PCDHA13: variants seen among roughly 807,000 people sequenced by gnomAD.
PCDHA13 encodes the protein protocadherin alpha-13.
PCDHA13 carries 54 observed loss-of-function variants against 64.8 expected under a neutral mutation model. The ratio of observed to expected loss-of-function variants is 0.83; its 90% CI spans 0.67 to 1.04. The LOEUF (loss-of-function observed/expected upper bound fraction) is 1.04. Among genes scored for constraint, PCDHA13 ranks in the 50% least tolerant of loss-of-function variants. The pLI is 0.00. For synonymous variants in PCDHA13, 587 were observed against 564.4 expected, an observed-to-expected ratio of 1.04 and a Z score of -0.57; for missense variants, 1,248 against 1,254.3, an observed-to-expected ratio of 0.99 and a Z score of 0.08.
Position 140,972,800 on chromosome 5 carries a change from A to G in PCDHA13, c.2395-6149A>G, listed in dbSNP as rs937312575. ...TGCCTCAGCCTCCTGAGTAGCTGAGATTACAGGCACGCGCCACCACGCCTG... is the reference window on the plus strand; with the variant it reads ...TGCCTCAGCCTCCTGAGTAGCTGAGGTTACAGGCACGCGCCACCACGCCTG... On this transcript the variant is annotated intron_variant, in intron 1 of 3. Transcript: ENST00000289272. Among the ~76,000 whole-genome samples, 8 of 151,520 alleles carry G rather than the reference A, an allele frequency of 5.3e-5. No individual in the cohort carries two copies. In the South Asian group the frequency reaches 6.3e-4, roughly 12 times the overall value.
chr5:140,955,452 G>C (rs921510611), intron 1 of PCDHA13, among the ~76,000 whole-genome samples: 3 of 152,024 alleles, frequency 2.0e-5, no homozygotes, highest in Non-Finnish European at 4.4e-5. Context: ...TTTTATAAGG[G>C]CTTTTTCCTT....
intron 3 of PCDHA13, among the ~76,000 whole-genome samples, chr5:141,000,771 G>A (rs1318485268): frequency 2.0e-5 from 3 of 151,790 alleles, no homozygotes; most frequent in Non-Finnish European, 4.4e-5. Context: ...GCCAGGCATA[G>A]TGGCGCACAC....
chr5:140,941,239 C>CTTTCTTTCTTTCTTTA (rs2092937531), intron 1 of PCDHA13, among the ~76,000 whole-genome samples: 1 of 134,502 alleles, frequency 7.4e-6, no homozygotes, highest in African/African-American at 2.9e-5. Context: ...TTCTTTCTTT[C>CTTTCTTTCTTTCTTTA]TTTCTTTCTT....
intron 1 of PCDHA13, among the ~76,000 whole-genome samples, chr5:140,953,024 G>A (rs2094834462): frequency 6.6e-6 from 1 of 152,026 alleles, no homozygotes; most frequent in South Asian, 2.1e-4. Context: ...AACATTAAGG[G>A]GGAAATCCAC....
At position 140,978,933 on chromosome 5, in the gene PCDHA13, C is replaced by CT. The variant is rs1179085898; in HGVS notation, c.2395-13dup. The stretch of plus-strand genomic sequence containing the variant: ...TCTTGTCATTTTAACAGAAAACTCT[C>CT]TTTGTGATTTTGCAGCCACGACAGC... On this transcript the variant is annotated splice_polypyrimidine_tract_variant and intron_variant, in intron 1 of 3. Coordinates refer to ENST00000289272, the MANE Select transcript of PCDHA13 (RefSeq NM_018904.3). 8 of 1,613,976 alleles carry CT rather than the reference C, an allele frequency of 5.0e-6. No homozygotes were observed. The highest frequency in any genetic ancestry group is 1.7e-5 in the Admixed American group (1 of 59,984).
At chr5:140,958,711 T>C (rs1402769483) in intron 1 of PCDHA13, among the ~76,000 whole-genome samples, 1 of 152,216 alleles carries the variant, frequency 6.6e-6, no homozygotes, top group Non-Finnish European at 1.5e-5. Flanking sequence ...AACTCTGTTA[T>C]AATAAATGTA....
intron 1 of PCDHA13, among the ~76,000 whole-genome samples, chr5:140,923,219 C>T (rs557006469): frequency 1.3e-5 from 2 of 152,094 alleles, no homozygotes; most frequent in East Asian, 1.9e-4. Context: ...GTGAAAGGAT[C>T]GTTTGAGCCC....
intron 2 of PCDHA13, 86 bp from the exon 3 acceptor site, chr5:140,982,389 T>C: frequency 1.3e-6 from 2 of 1,593,476 alleles, no homozygotes; most frequent in South Asian, 1.1e-5. Context: ...CCTGGCTTCA[T>C]AGTTGTAAGC....
At chr5:140,967,934 A>G (rs781977227) in intron 1 of PCDHA13, 4 of 1,614,172 alleles carry the variant, frequency 2.5e-6, no homozygotes, top group Non-Finnish European at 2.5e-6. Flanking sequence ...TCTCAGTGTC[A>G]ATGACCAAGA....
chr5:140,897,720 G>A (rs1457512042), intron 1 of PCDHA13, among the ~76,000 whole-genome samples: 1 of 152,086 alleles, frequency 6.6e-6, no homozygotes, highest in Non-Finnish European at 1.5e-5. Context: ...GGGATGGCTG[G>A]GTCAAATAGT....
chr5:140,975,156 G>A (rs1404839334), intron 1 of PCDHA13, among the ~76,000 whole-genome samples: 15 of 152,174 alleles, frequency 9.9e-5, no homozygotes, highest in Non-Finnish European at 2.1e-4. Context: ...AGTTCCTAGA[G>A]AACTGAGGAC....
At chr5:140,902,917 T>G (rs1235478755) in intron 1 of PCDHA13, among the ~76,000 whole-genome samples, 1 of 152,230 alleles carries the variant, frequency 6.6e-6, no homozygotes, top group Non-Finnish European at 1.5e-5. Context: ...CTGAGTAGTA[T>G]TGCATGGTGT....
In PCDHA13 at chr5:140,969,100, C is replaced by T. The variant is rs781998624; in HGVS notation, c.2395-9849C>T. ...ATGGCCTCAAAGTGCAGCCTCACTT[C>T]ATTGAAGTTCGAGGGAATGGCTCCC... On this transcript the variant is annotated intron_variant, in intron 1 of 3. Coordinates refer to ENST00000289272, the MANE Select transcript of PCDHA13 (RefSeq NM_018904.3). The T allele has an allele frequency of 8.7e-6, 14 of 1,614,054 alleles. No individual in the cohort carries two copies. The South Asian group carries it at 8.8e-5, about 10-fold the overall frequency.
intron 2 of PCDHA13, among the ~76,000 whole-genome samples, chr5:140,980,956 C>T (rs2096912703): frequency 6.6e-6 from 1 of 152,110 alleles, no homozygotes; most frequent in Non-Finnish European, 1.5e-5. Flanking sequence ...AGGATAGTTA[C>T]ACCTTCATGA....
At chr5:140,955,233 T>A (rs1554221819) in intron 1 of PCDHA13, among the ~76,000 whole-genome samples, 1 of 152,198 alleles carries the variant, frequency 6.6e-6, no homozygotes, top group African/African-American at 2.4e-5. Flanking sequence ...TTTGTTCTTT[T>A]GCTTAGGATC....
chr5:140,914,115 G>A (rs1287523867), intron 1 of PCDHA13, among the ~76,000 whole-genome samples: 1 of 152,168 alleles, frequency 6.6e-6, no homozygotes, highest in Non-Finnish European at 1.5e-5. Flanking sequence ...GATTAAGTCT[G>A]ATGTTTCTTT....
chr5:140,978,103 A>T (rs2096789005), intron 1 of PCDHA13, among the ~76,000 whole-genome samples: 1 of 152,106 alleles, frequency 6.6e-6, no homozygotes, highest in South Asian at 2.1e-4. Context: ...AACTCCCCCA[A>T]CAGTCTTTAA....
At chr5:141,003,676 C>T (rs2098133802) in intron 3 of PCDHA13, among the ~76,000 whole-genome samples, 2 of 152,124 alleles carry the variant, frequency 1.3e-5, no homozygotes, top group East Asian at 1.9e-4. Context: ...ATATGTTGTT[C>T]TGATTTTAAA....
At chr5:140,887,473 G>T (rs574265811) in intron 1 of PCDHA13, among the ~76,000 whole-genome samples, 10 of 152,222 alleles carry the variant, frequency 6.6e-5, no homozygotes, top group African/African-American at 2.4e-4. Flanking sequence ...TAATTCAGTT[G>T]TCTTCTGGCT....
Sources: gnomAD v4.1 joint callset for allele counts (sites outside exome capture counted in the v4.1 genomes callset) on GRCh38, gnomAD v4.1.1 for gene constraint, MANE v1.5 for transcripts, NCBI Gene and HGNC (gene_info 2026-07-23, HGNC 2026-07-21) for gene names.